NEK7: variants seen among roughly 807,000 people sequenced by gnomAD.
The protein encoded by NEK7 is NIMA related kinase 7, also known as serine/threonine-protein kinase Nek7.
NEK7 carries 18 observed loss-of-function variants against 44.6 expected under a neutral mutation model. The ratio of observed to expected loss-of-function variants is 0.40; its 90% CI spans 0.28 to 0.60. NEK7 has a LOEUF of 0.60. NEK7 is among the 20% of genes least tolerant of loss of function. The pLI, the probability that NEK7 is intolerant of heterozygous loss-of-function variation, is 0.38. For missense variants in NEK7, 256 were observed against 366.5 expected, an observed-to-expected ratio of 0.70 and a Z score of 2.46; for synonymous variants, 130 against 121.1, an observed-to-expected ratio of 1.07 and a Z score of -0.48.
chr1:198,264,544 G>T (rs150915781), intron 5 of NEK7, among the ~76,000 whole-genome samples: 1 of 152,108 alleles, frequency 6.6e-6, no homozygotes, highest in Non-Finnish European at 1.5e-5. Context: ...GACCATGCTT[G>T]ATCCTGTGTC....
At chr1:198,254,081 T>TA (rs1020831194) in intron 3 of NEK7, among the ~76,000 whole-genome samples, 9 of 152,044 alleles carry the variant, frequency 5.9e-5, no homozygotes, top group African/African-American at 2.2e-4. Flanking sequence ...TTTTTTTTTT[T>TA]AAACTTCTTA....
chr1:198,272,428 T>C (rs1653882198), intron 5 of NEK7, among the ~76,000 whole-genome samples: 1 of 151,856 alleles, frequency 6.6e-6, no homozygotes, highest in Non-Finnish European at 1.5e-5. Context: ...TTAATTTCTC[T>C]CCTTTAGATT....
In NEK7 at chr1:198,197,205, C is replaced by A. The variant is rs571218950; in HGVS notation, c.-28-35348C>A. Among the ~76,000 whole-genome samples the A allele has an allele frequency of 2.6e-4, 40 of 152,178 alleles. No individual in the cohort carries two copies. The South Asian group carries it at 8.3e-3, about 32-fold the overall frequency. ...ATGTAATTATATTTGTTTTATTAGT[C>A]ATTTACTGTATAATATTGCAGTTTC... On this transcript the variant is annotated intron_variant, in intron 1 of 9. Transcript: ENST00000367385.
chr1:198,204,462 G>A (rs896688015), intron 1 of NEK7, among the ~76,000 whole-genome samples: 1 of 152,074 alleles, frequency 6.6e-6, no homozygotes, highest in African/African-American at 2.4e-5. Flanking sequence ...GCTCACGCCT[G>A]TAATCCCAGC....
chr1:198,302,140 A>G (rs1654906510), intron 9 of NEK7, among the ~76,000 whole-genome samples: 1 of 152,154 alleles, frequency 6.6e-6, no homozygotes, highest in South Asian at 2.1e-4. Flanking sequence ...CAGCCCACAG[A>G]TAGAAAACTA....
At chr1:198,256,486 A>G (rs770714721) in intron 3 of NEK7, 2 of 1,589,768 alleles carry the variant, frequency 1.3e-6, no homozygotes, top group Non-Finnish European at 8.5e-7. Flanking sequence ...TTGCAAAAAA[A>G]TAAGATGGTA....
At chr1:198,227,460 GTTGAACTAGT>G (rs1666259395) in intron 1 of NEK7, among the ~76,000 whole-genome samples, 1 of 152,130 alleles carries the variant, frequency 6.6e-6, no homozygotes, top group South Asian at 2.1e-4. Context: ...TTCCACAATG[GTTGAACTAGT>G]TTACAGTCCC....
chr1:198,234,696 C>A lies in NEK7; in HGVS notation c.57+2059C>A, dbSNP rs925510837. Among the ~76,000 whole-genome samples, 8 of 152,312 alleles carry A rather than the reference C, an allele frequency of 5.3e-5. No individual in the cohort carries two copies. In the East Asian group the frequency reaches 9.6e-4, roughly 18 times the overall value. On this transcript the variant is annotated intron_variant, in intron 2 of 9. Transcript: ENST00000367385. ...AAATTTCAAAATTATAGCAGCGATTCTGCATTTCTTTTTACACTGTTCCTT... is the reference window on the plus strand; with the variant it reads ...AAATTTCAAAATTATAGCAGCGATTATGCATTTCTTTTTACACTGTTCCTT...
At chr1:198,197,838 G>A in intron 1 of NEK7, 1 of 828,536 alleles carries the variant, frequency 1.2e-6, no homozygotes, top group South Asian at 1.4e-5. Flanking sequence ...TGGTGCTTGT[G>A]CATCTTTTTG....
chr1:198,300,843 A>C (rs1654861221), intron 9 of NEK7, among the ~76,000 whole-genome samples: 1 of 152,198 alleles, frequency 6.6e-6, no homozygotes, highest in South Asian at 2.1e-4. Flanking sequence ...TAAGGCAGAA[A>C]ATTACTCACA....
intron 5 of NEK7, among the ~76,000 whole-genome samples, chr1:198,266,888 A>G (rs1040823072): frequency 1.3e-5 from 2 of 152,038 alleles, no homozygotes; most frequent in Non-Finnish European, 2.9e-5. Context: ...CTTGCATCAT[A>G]CAAATCTACC....
At chr1:198,205,648 CAT>C (rs977318754) in intron 1 of NEK7, among the ~76,000 whole-genome samples, 3 of 151,934 alleles carry the variant, frequency 2.0e-5, no homozygotes, top group African/African-American at 7.3e-5. Flanking sequence ...TTACTCATGA[CAT>C]ACACTGCACT....
chr1:198,256,177 C>T, intron 3 of NEK7: 2 of 908,230 alleles, frequency 2.2e-6, no homozygotes, highest in South Asian at 3.3e-5. Flanking sequence ...TTTTATCATT[C>T]ATTTCTCTGC....
intron 1 of NEK7, among the ~76,000 whole-genome samples, chr1:198,227,504 A>C (rs1334350591): frequency 6.6e-6 from 1 of 152,078 alleles, no homozygotes; most frequent in Non-Finnish European, 1.5e-5. Flanking sequence ...AAGTGTTCCT[A>C]TTTCTCCACA....
chr1:198,158,632 G>A (rs1434584857), intron 1 of NEK7, among the ~76,000 whole-genome samples: 2 of 152,240 alleles, frequency 1.3e-5, no homozygotes, highest in African/African-American at 4.8e-5. Flanking sequence ...ACGGTGAACA[G>A]TAAAACAGGA....
At chr1:198,286,574 A>G (rs554837736) in intron 7 of NEK7, among the ~76,000 whole-genome samples, 75 of 152,170 alleles carry the variant, frequency 4.9e-4, no homozygotes, top group African/African-American at 1.8e-3. Flanking sequence ...ATTTATTTTC[A>G]ATTGCTGCCC....
At chr1:198,198,236 T>TC in intron 1 of NEK7, 1 of 626,158 alleles carries the variant, frequency 1.6e-6, no homozygotes, top group Non-Finnish European at 3.0e-6. Context: ...CTTGATGCAT[T>TC]CTCCTCAGCT....
chr1:198,224,191 C>CAAAA (rs1198244606), intron 1 of NEK7, among the ~76,000 whole-genome samples: 1 of 151,984 alleles, frequency 6.6e-6, no homozygotes, highest in Non-Finnish European at 1.5e-5. Flanking sequence ...CTTATGGTTT[C>CAAAA]TTAAGATTAT....
At chr1:198,250,265 C>T (rs1472506431) in intron 2 of NEK7, among the ~76,000 whole-genome samples, 2,312 of 127,964 alleles carry the variant, frequency 0.018, no homozygotes, top group African/African-American at 0.035. Flanking sequence ...CAGTACCATG[C>T]TGTTTTGGTT....
Sources: gnomAD v4.1 joint callset for allele counts (sites outside exome capture counted in the v4.1 genomes callset) on GRCh38, gnomAD v4.1.1 for gene constraint, MANE v1.5 for transcripts, NCBI Gene and HGNC (gene_info 2026-07-23, HGNC 2026-07-21) for gene names.